ZNF451: variants seen among roughly 807,000 people sequenced by gnomAD.
The protein encoded by ZNF451 is zinc finger protein 451.
Under a neutral mutation model 107.1 loss-of-function variants are expected in ZNF451, and 80 were observed. That is an observed-to-expected ratio of 0.75 (90% CI 0.62 to 0.90). The LOEUF (loss-of-function observed/expected upper bound fraction) is 0.90. ZNF451 is among the 40% of genes least tolerant of loss of function. The pLI, the probability that ZNF451 is intolerant of heterozygous loss-of-function variation, is 0.00. For synonymous variants in ZNF451, 362 were observed against 406.5 expected (o/e 0.89, Z 1.32); for missense variants, 1,107 against 1,236.2 (o/e 0.90, Z 1.57).
chr6:57,110,981 G>A (rs1203194003), intron 3 of ZNF451, among the ~76,000 whole-genome samples: 1 of 151,432 alleles, frequency 6.6e-6, no homozygotes, highest in Non-Finnish European at 1.5e-5. Context: ...GTACAGTGGG[G>A]TCATATCGGC....
In ZNF451 at chr6:57,124,859, A is replaced by G; in HGVS notation, c.312A>G (p.Arg104=). 1 of 1,562,606 alleles carries G rather than the reference A, an allele frequency of 6.4e-7. No homozygotes were observed. Among genetic ancestry groups the G allele is most frequent in the Non-Finnish European group, 8.7e-7 (1 of 1,155,758 alleles). ...AAGAAGAGAAGAATAGAGCATTCAGAGTATGTGCTATTTTAATTGGTATTT... is the reference window on the plus strand; with the variant it reads ...AAGAAGAGAAGAATAGAGCATTCAGGGTATGTGCTATTTTAATTGGTATTT... ...QQKEEKNRAF[R]EKIDFQHAHG... The change falls in exon 4 of 15, where the codon AGA becomes AGG. Residue 104 remains arginine (R), a splice_region_variant and synonymous_variant. Transcript: ENST00000370706.
At chr6:57,102,935 C>T (rs45615141) in intron 3 of ZNF451, 32 of 985,414 alleles carry the variant, frequency 3.2e-5, no homozygotes, top group East Asian at 1.1e-4. Context: ...ATCAAGCTCT[C>T]GTATCAAGCT....
chr6:57,111,701 A>G (rs2127949246), intron 3 of ZNF451, among the ~76,000 whole-genome samples: 1 of 152,194 alleles, frequency 6.6e-6, no homozygotes, highest in East Asian at 1.9e-4. Context: ...AAAATCTCTT[A>G]AGGTCCAGTT....
intron 3 of ZNF451, chr6:57,107,317 A>T: frequency 1.0e-6 from 1 of 984,788 alleles, no homozygotes; most frequent in African/African-American, 1.7e-5. Flanking sequence ...CAGGATTTTG[A>T]TGTGGCTTTG....
intron 14 of ZNF451, 120 bp from the exon 15 acceptor site, chr6:57,168,303 T>C (rs973293271): frequency 6.9e-5 from 46 of 664,046 alleles, no homozygotes; most frequent in South Asian, 1.3e-4. Flanking sequence ...TTATCCTGTG[T>C]TTTTCCATTT....
rs772488651 is a variant in ZNF451 at position 57,147,250 on chromosome 6, C to T, written c.1165C>T (p.Arg389Ter). 14 of 1,613,940 alleles carry T rather than the reference C, an allele frequency of 8.7e-6. No individual in the cohort carries two copies. Among genetic ancestry groups the T allele is most frequent in the African/African-American group, 1.3e-5 (1 of 74,980 alleles). Residue 389 changes from arginine (R) to a stop codon, truncating the protein, a stop_gained, in exon 10 of 15, where the codon CGA (arginine) becomes TGA (stop). Coordinates refer to ENST00000370706, the MANE Select transcript of ZNF451 (RefSeq NM_001031623.3). LOFTEE classifies it high-confidence loss of function. ...TAAGCAGAATTCAGGACACAAAGTC[C>T]GAGTCATTAACTCAGTGGAAGAATC... Reference protein sequence around the residue: ...NHKQNSGHKVRVINSVEESVL... With the variant: ...NHKQNSGHKV
intron 3 of ZNF451, chr6:57,099,466 CA>C: frequency 1.4e-6 from 1 of 717,016 alleles, no homozygotes. Context: ...TTACTCTCCT[CA>C]GGTGCCCTAT....
chr6:57,138,731 A>G (rs1384883687), intron 7 of ZNF451, among the ~76,000 whole-genome samples: 3,557 of 111,936 alleles, frequency 0.032, 87 homozygotes, highest in Non-Finnish European at 0.047. Flanking sequence ...ATATATATAT[A>G]TATATATATA....
chr6:57,156,324 C>G (rs555622786), intron 13 of ZNF451, among the ~76,000 whole-genome samples: 2 of 152,086 alleles, frequency 1.3e-5, no homozygotes, highest in Non-Finnish European at 2.9e-5. Context: ...TCTTGGATAA[C>G]TTTTATTCCA....
chr6:57,136,542 G>A (rs1831435987), intron 7 of ZNF451, among the ~76,000 whole-genome samples: 1 of 152,080 alleles, frequency 6.6e-6, no homozygotes, highest in South Asian at 2.1e-4. Context: ...GAAATGATAG[G>A]GTTATCCATT....
chr6:57,138,043 C>T (rs966059119), intron 7 of ZNF451, among the ~76,000 whole-genome samples: 2 of 152,164 alleles, frequency 1.3e-5, no homozygotes, highest in Non-Finnish European at 2.9e-5. Context: ...TTGGCTGTTA[C>T]GAACAATGCT....
Position 57,141,325 on chromosome 6 carries a change from C to A in ZNF451, c.726C>A (p.Asn242Lys), listed in dbSNP as rs561794841. The change falls in exon 8 of 15, where the codon AAC becomes AAA. Residue 242 changes from asparagine to lysine, a missense_variant. Around this residue, in one of 5 missense-constraint regions of ZNF451, gnomAD observed 339 missense variants for 372.8 expected, o/e 0.91. Coordinates refer to ENST00000370706, the MANE Select transcript of ZNF451 (RefSeq NM_001031623.3). ...AGGAAGCCACAGATGATGGACATAA[C>A]AACAACCTTCTTCCTCAGATTATTC... ...FDKEATDDGHNNNLLPQIIQC... is the reference protein window; with the variant it reads ...FDKEATDDGHKNNLLPQIIQC... The A allele has an allele frequency of 9.9e-6, 16 of 1,611,450 alleles. No homozygotes were observed. The highest frequency in any genetic ancestry group is 1.4e-5 in the Non-Finnish European group (16 of 1,178,648).
In ZNF451 at chr6:57,090,269, T is replaced by C. The variant is rs1285352102; in HGVS notation, c.16T>C (p.Ser6Pro). 3.7e-6 allele frequency: 6 copies of C among 1,611,044 alleles called. No homozygotes were observed. The highest frequency in any genetic ancestry group is 4.5e-5 in the East Asian group (2 of 44,822). Residue 6 changes from serine to proline, a missense_variant, in exon 1 of 15, where the codon TCG becomes CCG. By Grantham distance (74) the Ser-to-Pro change is moderately conservative (BLOSUM62 -1). Transcript: ENST00000370706. ...CGTCGGAGACATGGGAGACCCGGGG[T>C]CGGAGGTGAGTAGTCGAGTGAGGGT... MGDPG[S>P]EIIESVPPAG...
In ZNF451 at chr6:57,168,575, T is replaced by C. The variant is rs114829203; in HGVS notation, c.*106T>C. ...CCAGAAATCCACTATTACAAATGTA[T>C]TTGAAAACATGTTTTTGCTTTCATA... On this transcript the variant is annotated 3_prime_UTR_variant, in exon 15 of 15. Transcript: ENST00000370706. 1.5e-3 allele frequency: 1,384 copies of C among 898,378 alleles called. 19 individuals carry two copies. The African/African-American group carries it at 0.022, about 14-fold the overall frequency. 55.7% of individuals were successfully genotyped at this position (898,378 alleles called of 1,614,324 possible). A position where few individuals can be genotyped will look rare whatever the true frequency, so the allele number is the denominator to read the frequency against.
intron 3 of ZNF451, chr6:57,106,418 T>G: frequency 1.6e-6 from 1 of 643,194 alleles, no homozygotes; most frequent in Non-Finnish European, 1.9e-6. Flanking sequence ...CAAGCAATTC[T>G]GTCTCAGCCT....
At chr6:57,124,272 C>A (rs189755413) in intron 3 of ZNF451, among the ~76,000 whole-genome samples, 1 of 152,200 alleles carries the variant, frequency 6.6e-6, no homozygotes, top group East Asian at 1.9e-4. Flanking sequence ...TGTGAGGGCC[C>A]CTCTATGGCT....
intron 13 of ZNF451, chr6:57,154,446 A>G: frequency 7.0e-6 from 2 of 284,608 alleles, no homozygotes; most frequent in Non-Finnish European, 1.3e-5. Flanking sequence ...AAGCAATAAC[A>G]AAGGTGATCA....
intron 13 of ZNF451, 172 bp downstream of exon 13, chr6:57,154,219 G>T: frequency 1.5e-6 from 1 of 661,616 alleles, no homozygotes; most frequent in South Asian, 2.0e-5. Flanking sequence ...TCATTCTTTA[G>T]TGTTTTAGAA....
chr6:57,097,432 T>G (rs1225830438), intron 2 of ZNF451, among the ~76,000 whole-genome samples: 1 of 152,220 alleles, frequency 6.6e-6, no homozygotes. Context: ...CAGCTATTAT[T>G]TCTTCTGTGT....
Sources: allele counts gnomAD v4.1 joint callset (sites outside exome capture counted in the v4.1 genomes callset), GRCh38; gene constraint gnomAD v4.1.1; regional missense constraint gnomAD v4.1.1; transcripts MANE v1.5; gene names NCBI Gene and HGNC (gene_info 2026-07-23, HGNC 2026-07-21).